Variants in FER observed in about 807,000 individuals in gnomAD.
FER encodes the protein tyrosine-protein kinase Fer.
FER carries 63 observed loss-of-function variants against 111.0 expected under a neutral mutation model. The ratio of observed to expected loss-of-function variants is 0.57; its 90% CI spans 0.46 to 0.70. The LOEUF (loss-of-function observed/expected upper bound fraction) is 0.70. Ranked by LOEUF, FER falls within the 30% of genes least tolerant of loss-of-function variation. The probability of loss-of-function intolerance (pLI) is 0.00; values close to 1 mark genes in which losing one functional copy is unlikely to be tolerated. For synonymous variants in FER, 327 were observed against 313.9 expected, an observed-to-expected ratio of 1.04 and a Z score of -0.44; for missense variants, 914 against 954.0, an observed-to-expected ratio of 0.96 and a Z score of 0.55.
intron 17 of FER, among the ~76,000 whole-genome samples, chr5:109,179,658 C>A (rs74710800): frequency 0.09 from 13,755 of 152,066 alleles, 681 homozygotes; most frequent in Middle Eastern, 0.16. Context: ...ACTAAACATA[C>A]AAACTTCCTT....
intron 17 of FER, among the ~76,000 whole-genome samples, chr5:109,110,209 T>C (rs894438348): frequency 6.6e-6 from 1 of 152,104 alleles, no homozygotes; most frequent in Non-Finnish European, 1.5e-5. Flanking sequence ...ACTTTAGTAA[T>C]TGGGGAAAGT....
chr5:108,915,030 G>C (rs1278901834), intron 10 of FER, among the ~76,000 whole-genome samples: 6 of 152,138 alleles, frequency 3.9e-5, no homozygotes, highest in Admixed American at 2.6e-4. Context: ...GTAGGATATG[G>C]ATTATGAAAG....
chr5:108,987,841 G>A (rs1382070446), intron 13 of FER, among the ~76,000 whole-genome samples: 1 of 152,136 alleles, frequency 6.6e-6, no homozygotes, highest in Non-Finnish European at 1.5e-5. Context: ...TTGAATGGAA[G>A]TGGTGAGAAT....
intron 1 of FER, chr5:108,748,616 G>C (rs1295801865): frequency 6.6e-6 from 1 of 152,360 alleles, no homozygotes; most frequent in Non-Finnish European, 1.5e-5. Context: ...CGCAGACCTC[G>C]GGACTCCACC....
chr5:108,913,638 G>A (rs1254716777), intron 10 of FER, among the ~76,000 whole-genome samples: 1 of 152,290 alleles, frequency 6.6e-6, no homozygotes, highest in East Asian at 1.9e-4. Context: ...CTGTGACTCA[G>A]TATATCTGCT....
chr5:108,882,446 G>A (rs1412933159), intron 8 of FER, among the ~76,000 whole-genome samples: 1 of 151,696 alleles, frequency 6.6e-6, no homozygotes, highest in Admixed American at 6.6e-5. Context: ...CTTCCGTTGT[G>A]TTAAGCATAT....
At chr5:108,888,295 C>T (rs1222027972) in intron 9 of FER, among the ~76,000 whole-genome samples, 1 of 151,924 alleles carries the variant, frequency 6.6e-6, no homozygotes, top group Non-Finnish European at 1.5e-5. Context: ...CTACCAGATG[C>T]TGTGATTGCA....
At chr5:109,002,277 A>G (rs1764886931) in intron 13 of FER, among the ~76,000 whole-genome samples, 1 of 152,054 alleles carries the variant, frequency 6.6e-6, no homozygotes, top group Non-Finnish European at 1.5e-5. Context: ...AAGCGGAGAT[A>G]TAGACCAATG....
chr5:109,082,556 C>T (rs902585502), intron 16 of FER, among the ~76,000 whole-genome samples: 16 of 151,904 alleles, frequency 1.1e-4, no homozygotes, highest in Admixed American at 9.2e-4. Flanking sequence ...TATGACAGCA[C>T]GTGTAAACTA....
intron 5 of FER, among the ~76,000 whole-genome samples, chr5:108,845,097 A>G (rs538054921): frequency 5.4e-5 from 6 of 111,848 alleles, no homozygotes; most frequent in African/African-American, 2.0e-4. Context: ...CACACACACA[A>G]TTGATTTTTG....
chr5:108,924,360 C>CAA (rs59469649), intron 10 of FER, among the ~76,000 whole-genome samples: 170 of 98,964 alleles, frequency 1.7e-3, no homozygotes, highest in Admixed American at 2.9e-3. Context: ...AACTCTGTCT[C>CAA]AAAAAAAAAA....
At chr5:109,163,204 A>G (rs1756183168) in intron 17 of FER, among the ~76,000 whole-genome samples, 1 of 151,864 alleles carries the variant, frequency 6.6e-6, no homozygotes, top group Admixed American at 6.6e-5. Context: ...AGATCTGTCC[A>G]TATTATTGCG....
intron 3 of FER, among the ~76,000 whole-genome samples, chr5:108,829,150 AC>A (rs749327315): frequency 3.9e-5 from 6 of 152,128 alleles, no homozygotes; most frequent in Admixed American, 1.3e-4. Flanking sequence ...CAAATATCCC[AC>A]CCACCCAGCT....
chr5:109,100,246 G>C (rs1276740017), intron 16 of FER, 150 bp from the exon 17 acceptor site: 4 of 776,838 alleles, frequency 5.1e-6, no homozygotes, highest in African/African-American at 1.8e-5. Context: ...CATGTTTTCT[G>C]TTATCCTCAC....
intron 16 of FER, among the ~76,000 whole-genome samples, chr5:109,064,621 T>G (rs905070405): frequency 6.6e-6 from 1 of 152,178 alleles, no homozygotes; most frequent in Non-Finnish European, 1.5e-5. Flanking sequence ...CTGAGTAGTA[T>G]TACTCGTAGG....
intron 11 of FER, among the ~76,000 whole-genome samples, chr5:108,954,140 G>A (rs1407655218): frequency 1.3e-5 from 2 of 151,904 alleles, no homozygotes; most frequent in African/African-American, 4.8e-5. Context: ...TTTCTCCTAG[G>A]GCTTTATCTA....
At position 109,180,730 on chromosome 5, in the gene FER, G is replaced by A; in HGVS notation, c.2049-17G>A. On this transcript the variant is annotated splice_polypyrimidine_tract_variant and intron_variant, in intron 17 of 19. Transcript: ENST00000281092. Reference sequence around the variant, plus strand: ...ATTTGTTTTAATAGGCGTTTTCTGTGTCTTACTGTAACCTAGGGACCTTGC... The same window carrying A: ...ATTTGTTTTAATAGGCGTTTTCTGTATCTTACTGTAACCTAGGGACCTTGC... 6.3e-7 allele frequency: 1 copy of A among 1,591,980 alleles called. No homozygotes were observed. Among genetic ancestry groups the A allele is most frequent in the Non-Finnish European group, 8.5e-7 (1 of 1,172,888 alleles).
chr5:108,980,856 A>C (rs1459090247), intron 13 of FER, among the ~76,000 whole-genome samples: 2 of 152,184 alleles, frequency 1.3e-5, no homozygotes, highest in Non-Finnish European at 2.9e-5. Context: ...TGTTGGACAG[A>C]TATAACATTC....
chr5:109,172,955 C>T (rs1463578249), intron 17 of FER, among the ~76,000 whole-genome samples: 2 of 152,096 alleles, frequency 1.3e-5, no homozygotes, highest in East Asian at 3.9e-4. Context: ...AAAGAAAGGT[C>T]CACTTGGGTT....
Sources: allele counts gnomAD v4.1 joint callset (sites outside exome capture counted in the v4.1 genomes callset), GRCh38; gene constraint gnomAD v4.1.1; transcripts MANE v1.5; gene names NCBI Gene and HGNC (gene_info 2026-07-23, HGNC 2026-07-21).